Variants in ZFHX4 observed in about 807,000 individuals in gnomAD.
ZFHX4 encodes zinc finger homeobox protein 4.
In ZFHX4, 56 loss-of-function variants were observed where a neutral mutation model predicts 267.6. That is an observed-to-expected ratio of 0.21 (90% CI 0.17 to 0.26). ZFHX4 has a LOEUF of 0.26. Among genes scored for constraint, ZFHX4 ranks in the 10% least tolerant of loss-of-function variants. ZFHX4 has a pLI of 1.00. For missense variants in ZFHX4, 4,332 were observed against 4,420.0 expected, an observed-to-expected ratio of 0.98 and a Z score of 0.56; for synonymous variants, 1,778 against 1,665.6, an observed-to-expected ratio of 1.07 and a Z score of -1.64.
chr8:76,747,713 C>T (rs1427007218), intron 3 of ZFHX4, among the ~76,000 whole-genome samples: 3 of 152,104 alleles, frequency 2.0e-5, no homozygotes, highest in African/African-American at 7.2e-5. Flanking sequence ...AGGCGGATCA[C>T]CTGAGGTCAG....
At chr8:76,843,968 T>C (rs1336931676) in intron 6 of ZFHX4, among the ~76,000 whole-genome samples, 2 of 152,212 alleles carry the variant, frequency 1.3e-5, no homozygotes, top group East Asian at 3.9e-4. Flanking sequence ...TGAGATTTGC[T>C]CCTAGGATAT....
chr8:76,813,756 A>T (rs368540828), intron 4 of ZFHX4, among the ~76,000 whole-genome samples: 1 of 152,120 alleles, frequency 6.6e-6, no homozygotes, highest in Admixed American at 6.6e-5. Flanking sequence ...TCTTCATTGT[A>T]TATTTAATAA....
At chr8:76,736,309 T>A (rs906898643) in intron 3 of ZFHX4, among the ~76,000 whole-genome samples, 1 of 152,100 alleles carries the variant, frequency 6.6e-6, no homozygotes, top group Non-Finnish European at 1.5e-5. Context: ...GTGTTTTGAA[T>A]TTAGTTTGAG....
Position 76,707,394 on chromosome 8 carries a change from T to C in ZFHX4, c.2591-152T>C, listed in dbSNP as rs186004172. On this transcript the variant is annotated intron_variant, in intron 2 of 10. Transcript: ENST00000651372. The stretch of plus-strand genomic sequence containing the variant: ...GAATTTAGAAGTTGAAAGGGATGAT[T>C]GTAATTGATCCTGATTGAATCCTAT... 2.0e-5 allele frequency among the ~76,000 whole-genome samples: 3 copies of C among 152,362 alleles called. No individual in the cohort carries two copies. In the East Asian group the frequency reaches 5.8e-4, roughly 29 times the overall value.
chr8:76,801,976 A>AAT, intron 4 of ZFHX4, among the ~76,000 whole-genome samples: 1 of 152,286 alleles, frequency 6.6e-6, no homozygotes, highest in South Asian at 2.1e-4. Flanking sequence ...CTGCTATTTA[A>AAT]GCTTGGCGAA....
intron 3 of ZFHX4, 38 bp from the exon 4 acceptor site, chr8:76,778,170 C>A (rs759719604): frequency 7.2e-7 from 1 of 1,381,194 alleles, no homozygotes; most frequent in Non-Finnish European, 1.0e-6. Flanking sequence ...CACCATGGAG[C>A]TAGACCATTG....
chr8:76,828,922 A>G (rs1367401921), intron 4 of ZFHX4, among the ~76,000 whole-genome samples: 1 of 152,158 alleles, frequency 6.6e-6, no homozygotes, highest in Non-Finnish European at 1.5e-5. Context: ...TATGTGCTAA[A>G]CATTTTGTAA....
At chr8:76,722,373 C>A (rs1270425954) in intron 3 of ZFHX4, among the ~76,000 whole-genome samples, 1 of 151,904 alleles carries the variant, frequency 6.6e-6, no homozygotes. Flanking sequence ...TCTATGAACA[C>A]TTGATGAGCC....
Position 76,851,592 on chromosome 8 carries a change from G to T in ZFHX4, c.4671G>T (p.Leu1557Phe). 6.2e-7 allele frequency: 1 copy of T among 1,613,834 alleles called. No individual in the cohort carries two copies. The highest frequency in any genetic ancestry group is 8.5e-7 in the Non-Finnish European group (1 of 1,179,846). The change falls in exon 10 of 11, where the codon TTG becomes TTT. Residue 1557 changes from leucine to phenylalanine, a missense_variant. By Grantham distance (22) the Leu-to-Phe change is conservative. This residue lies in a region of ZFHX4 where 1,371 missense variants were observed against 1,423.1 expected (regional missense o/e 0.96). Coordinates refer to ENST00000651372, the MANE Select transcript of ZFHX4 (RefSeq NM_024721.5). ...CATTCACCCAAAAGAACATTCTCTT[G>T]GTCCACTATAATTCAGTTTCTCACT... ...KESFTQKNIL[L>F]VHYNSVSHLH...
intron 3 of ZFHX4, among the ~76,000 whole-genome samples, chr8:76,747,080 G>A (rs897350296): frequency 6.6e-6 from 1 of 152,060 alleles, no homozygotes; most frequent in Non-Finnish European, 1.5e-5. Flanking sequence ...TTTCTCTAGT[G>A]ATTCACTGTA....
chr8:76,789,323 T>C (rs900779557), intron 4 of ZFHX4, among the ~76,000 whole-genome samples: 1 of 152,170 alleles, frequency 6.6e-6, no homozygotes, highest in Admixed American at 6.5e-5. Context: ...TATGAAGTGC[T>C]CTAATGGGGA....
chr8:76,830,249 G>A (rs903350525), intron 4 of ZFHX4, among the ~76,000 whole-genome samples: 2 of 152,112 alleles, frequency 1.3e-5, no homozygotes, highest in African/African-American at 2.4e-5. Context: ...TAAAAATAGC[G>A]TAATTTGGCA....
chr8:76,727,966 T>TCACTCAGC (rs1808897181), intron 3 of ZFHX4, among the ~76,000 whole-genome samples: 1 of 152,168 alleles, frequency 6.6e-6, no homozygotes, highest in Non-Finnish European at 1.5e-5. Context: ...GAATTTCATC[T>TCACTCAGC]CACTCAGCAG....
At chr8:76,770,637 T>C (rs1197336487) in intron 3 of ZFHX4, among the ~76,000 whole-genome samples, 3 of 152,098 alleles carry the variant, frequency 2.0e-5, no homozygotes, top group Admixed American at 1.3e-4. Flanking sequence ...TGTGCTAATA[T>C]TTGATTAGTG....
chr8:76,711,754 G>A (rs1478787719), intron 3 of ZFHX4, among the ~76,000 whole-genome samples: 3 of 152,082 alleles, frequency 2.0e-5, no homozygotes, highest in Non-Finnish European at 4.4e-5. Flanking sequence ...AAAGAGTCTA[G>A]TAAAAAGATA....
chr8:76,790,148 G>C (rs987621885), intron 4 of ZFHX4, among the ~76,000 whole-genome samples: 1 of 152,132 alleles, frequency 6.6e-6, no homozygotes, highest in South Asian at 2.1e-4. Context: ...TTAAGTGGTT[G>C]AGAAAGTACA....
intron 4 of ZFHX4, among the ~76,000 whole-genome samples, chr8:76,782,444 G>A (rs903023494): frequency 6.6e-6 from 1 of 151,966 alleles, no homozygotes; most frequent in African/African-American, 2.4e-5. Flanking sequence ...AGATAGCAAT[G>A]CAGTAGAGAT....
chr8:76,863,150 C>T lies in ZFHX4; in HGVS notation c.9436C>T (p.Pro3146Ser), dbSNP rs575889571. ...LGFPTSATSS[P>S]ALSLSSAPTK... ...GTTTCCTACTTCAGCTACTTCGTCT[C>T]CTGCCCTGTCTCTCAGCAGTGCCCC... Residue 3146 changes from proline (P) to serine (S), a missense_variant, in exon 11 of 11, where the codon CCT (proline) becomes TCT (serine). Pro to Ser is a moderately conservative substitution (Grantham distance 74). This residue lies in a region of ZFHX4 where 1,648 missense variants were observed against 1,625.0 expected (regional missense o/e 1.01). Transcript: ENST00000651372. 31 of 1,548,824 alleles carry T rather than the reference C, an allele frequency of 2.0e-5. 2 individuals carry two copies. In the South Asian group the frequency reaches 3.6e-4, roughly 18 times the overall value.
rs771878215 is a variant in ZFHX4 at position 76,707,496 on chromosome 8, T to G, written c.2591-50T>G. The G allele has an allele frequency of 1.7e-5, 24 of 1,419,818 alleles. No individual in the cohort carries two copies. In the South Asian group the frequency reaches 3.5e-4, roughly 20 times the overall value. The allele number at this position is 1,419,818 out of a possible 1,614,324, so 88.0% of individuals were successfully genotyped here. A position where few individuals can be genotyped will look rare whatever the true frequency, so the allele number is the denominator to read the frequency against. ...TTTATTTTACAGATTCCTTTGTGTG[T>G]GCTGTGTTTTCTAGTCTCTATTTTT... On this transcript the variant is annotated intron_variant, in intron 2 of 10. Transcript: ENST00000651372.
Sources: allele counts gnomAD v4.1 joint callset (sites outside exome capture counted in the v4.1 genomes callset), GRCh38; gene constraint gnomAD v4.1.1; regional missense constraint gnomAD v4.1.1; transcripts MANE v1.5; gene names NCBI Gene and HGNC (gene_info 2026-07-23, HGNC 2026-07-21).